ATXN7L1: variants seen among roughly 807,000 people sequenced by gnomAD.
The protein encoded by ATXN7L1 is ataxin 7 like 1.
Under a neutral mutation model 70.8 loss-of-function variants are expected in ATXN7L1, and 15 were observed. The ratio of observed to expected loss-of-function variants is 0.21; its 90% CI spans 0.14 to 0.33. The LOEUF (loss-of-function observed/expected upper bound fraction) is 0.33, where lower values mean the gene tolerates loss of function less well. Ranked by LOEUF, ATXN7L1 falls within the 10% of genes least tolerant of loss-of-function variation. The pLI is 1.00. For synonymous variants in ATXN7L1, 440 were observed against 445.1 expected (o/e 0.99, Z 0.14); for missense variants, 975 against 1,097.1 (o/e 0.89, Z 1.57).
chr7:105,665,864 G>A (rs1024186805), intron 3 of ATXN7L1, among the ~76,000 whole-genome samples: 1 of 152,188 alleles, frequency 6.6e-6, no homozygotes, highest in Non-Finnish European at 1.5e-5. Context: ...GCCTCCTCAG[G>A]GTCCACAGAG....
intron 2 of ATXN7L1, among the ~76,000 whole-genome samples, chr7:105,857,903 A>G (rs1815967829): frequency 6.6e-6 from 1 of 151,770 alleles, no homozygotes; most frequent in African/African-American, 2.4e-5. Flanking sequence ...ACAGGCCATC[A>G]CCTTCACCTT....
intron 3 of ATXN7L1, among the ~76,000 whole-genome samples, chr7:105,735,925 T>C (rs1012922202): frequency 5.3e-5 from 8 of 152,214 alleles, no homozygotes. Flanking sequence ...TTGATATTGT[T>C]TTATGGTAAG....
At chr7:105,824,482 A>G (rs1810583711) in intron 2 of ATXN7L1, among the ~76,000 whole-genome samples, 1 of 152,198 alleles carries the variant, frequency 6.6e-6, no homozygotes, top group Non-Finnish European at 1.5e-5. Context: ...ACCAGGATGC[A>G]ACGGTAAGAA....
intron 2 of ATXN7L1, among the ~76,000 whole-genome samples, chr7:105,855,361 T>C (rs1815573572): frequency 6.6e-6 from 1 of 152,236 alleles, no homozygotes; most frequent in Non-Finnish European, 1.5e-5. Flanking sequence ...AAAACTTTAT[T>C]AAAAACAGGC....
chr7:105,700,530 A>T (rs1293469729), intron 3 of ATXN7L1, among the ~76,000 whole-genome samples: 1 of 151,240 alleles, frequency 6.6e-6, no homozygotes, highest in Non-Finnish European at 1.5e-5. Context: ...AAAAAAAAAA[A>T]AAAGACAAGG....
chr7:105,833,323 A>G (rs1207399750), intron 2 of ATXN7L1, among the ~76,000 whole-genome samples: 3 of 152,250 alleles, frequency 2.0e-5, no homozygotes, highest in Middle Eastern at 3.4e-3. Context: ...TGCCCCTACT[A>G]GATCGTAGGT....
intron 3 of ATXN7L1, among the ~76,000 whole-genome samples, chr7:105,666,073 G>C (rs846941): frequency 0.78 from 117,979 of 152,212 alleles, 47,111 homozygotes; most frequent in East Asian, 0.98. Flanking sequence ...CTGACCAGGA[G>C]AGCAGATGCA....
chr7:105,619,140 G>GTTTTTTTTGTTTTTTTT, intron 9 of ATXN7L1, among the ~76,000 whole-genome samples: 1 of 49,846 alleles, frequency 2.0e-5, no homozygotes, highest in Non-Finnish European at 3.3e-5. Flanking sequence ...GAAATCTTTA[G>GTTTTTTTTGTTTTTTTT]TTTTTTTTTT....
chr7:105,777,406 C>T (rs977684631), intron 3 of ATXN7L1, among the ~76,000 whole-genome samples: 4 of 152,156 alleles, frequency 2.6e-5, no homozygotes, highest in South Asian at 2.1e-4. Context: ...GCTAACTTAG[C>T]GACCTCTTCT....
intron 3 of ATXN7L1, among the ~76,000 whole-genome samples, chr7:105,718,859 T>C (rs1018340655): frequency 1.4e-4 from 22 of 152,164 alleles, no homozygotes; most frequent in African/African-American, 5.3e-4. Flanking sequence ...GGTTACAGCA[T>C]GGGAGGGCAG....
chr7:105,798,670 T>C (rs1270448357), intron 2 of ATXN7L1, among the ~76,000 whole-genome samples: 1 of 152,234 alleles, frequency 6.6e-6, no homozygotes, highest in African/African-American at 2.4e-5. Flanking sequence ...TAAGTAGAAG[T>C]CTTACTTGAA....
chr7:105,818,317 G>A (rs1307114680), intron 2 of ATXN7L1, among the ~76,000 whole-genome samples: 1 of 152,054 alleles, frequency 6.6e-6, no homozygotes, highest in East Asian at 1.9e-4. Context: ...CTACAGGCAC[G>A]TGCCACCACG....
chr7:105,868,775 A>G (rs1325377607), intron 2 of ATXN7L1, among the ~76,000 whole-genome samples: 2 of 152,194 alleles, frequency 1.3e-5, no homozygotes, highest in African/African-American at 4.8e-5. Context: ...ATGAATGTGT[A>G]TGTGTGTGTA....
intron 4 of ATXN7L1, among the ~76,000 whole-genome samples, chr7:105,663,847 C>T (rs1429834975): frequency 6.6e-6 from 1 of 152,074 alleles, no homozygotes; most frequent in African/African-American, 2.4e-5. Context: ...CTCGCTGCAA[C>T]CTCTGCCTCC....
At chr7:105,732,744 C>T (rs781552990) in intron 3 of ATXN7L1, among the ~76,000 whole-genome samples, 1 of 152,170 alleles carries the variant, frequency 6.6e-6, no homozygotes, top group African/African-American at 2.4e-5. Flanking sequence ...TTTGGAGATC[C>T]ATCACTCTTC....
In ATXN7L1 at chr7:105,853,659, G is replaced by A. The variant is rs144956966; in HGVS notation, c.250+22153C>T. Among the ~76,000 whole-genome samples, 1,168 of 152,190 alleles carry A rather than the reference G, an allele frequency of 7.7e-3. 17 individuals are homozygous for A. Among genetic ancestry groups the A allele is most frequent in the African/African-American group, 0.026 (1,095 of 41,510 alleles). ...GGCGCCTGTAATCCCAGTTACTCGGGAGGCTGAGGCAGGAGAATTCCTTGA... is the reference window on the plus strand; with the variant it reads ...GGCGCCTGTAATCCCAGTTACTCGGAAGGCTGAGGCAGGAGAATTCCTTGA... On this transcript the variant is annotated intron_variant, in intron 2 of 11. Transcript: ENST00000419735.
intron 3 of ATXN7L1, among the ~76,000 whole-genome samples, chr7:105,670,657 T>C (rs979667069): frequency 6.7e-5 from 8 of 119,550 alleles, no homozygotes; most frequent in Admixed American, 6.4e-4. Context: ...CTACTATTTA[T>C]CTTTAAAAAA....
At chr7:105,788,482 CTT>C (rs999754089) in intron 3 of ATXN7L1, 120 bp downstream of exon 3, 2 of 802,316 alleles carry the variant, frequency 2.5e-6, no homozygotes, top group African/African-American at 1.7e-5. Flanking sequence ...CCCAGGAAGA[CTT>C]TACCCACAGC....
At chr7:105,759,716 A>G (rs1001192992) in intron 3 of ATXN7L1, among the ~76,000 whole-genome samples, 10 of 152,204 alleles carry the variant, frequency 6.6e-5, no homozygotes, top group Non-Finnish European at 1.0e-4. Flanking sequence ...TTTATTAAAT[A>G]ACTAAGGTTT....
Sources: gnomAD v4.1 joint callset for allele counts (sites outside exome capture counted in the v4.1 genomes callset) on GRCh38, gnomAD v4.1.1 for gene constraint, MANE v1.5 for transcripts, NCBI Gene and HGNC (gene_info 2026-07-23, HGNC 2026-07-21) for gene names.